The following LYN variants were observed in gnomAD, a reference collection of about 807,000 sequenced individuals.
LYN encodes the protein tyrosine-protein kinase Lyn.
LYN carries 12 observed loss-of-function variants against 65.0 expected under a neutral mutation model. That is an observed-to-expected ratio of 0.18 (90% CI 0.12 to 0.30). The LOEUF is 0.30. Ranked by LOEUF, LYN falls within the 10% of genes least tolerant of loss-of-function variation. The pLI, the probability that LYN is intolerant of heterozygous loss-of-function variation, is 1.00. For missense variants in LYN, 380 were observed against 623.2 expected, an observed-to-expected ratio of 0.61 and a Z score of 4.16; for synonymous variants, 222 against 221.2, an observed-to-expected ratio of 1.00 and a Z score of -0.03.
At chr8:55,899,649 C>CT (rs1448412734) in intron 1 of LYN, among the ~76,000 whole-genome samples, 1 of 151,614 alleles carries the variant, frequency 6.6e-6, no homozygotes, top group Non-Finnish European at 1.5e-5. Flanking sequence ...CTTTTCTTTT[C>CT]TTTTTTCTTT....
chr8:55,924,679 A>G (rs1806051441), intron 1 of LYN, among the ~76,000 whole-genome samples: 1 of 152,014 alleles, frequency 6.6e-6, no homozygotes. Context: ...CTCATTTTTA[A>G]GAAAATAACT....
intron 1 of LYN, among the ~76,000 whole-genome samples, chr8:55,914,834 T>C (rs1184622805): frequency 1.3e-5 from 2 of 152,144 alleles, no homozygotes; most frequent in African/African-American, 2.4e-5. Flanking sequence ...TTTGTAACAA[T>C]AGAGCCAAGT....
At chr8:55,887,102 TAAAAGATA>T (rs562736934) in intron 1 of LYN, among the ~76,000 whole-genome samples, 1 of 152,344 alleles carries the variant, frequency 6.6e-6, no homozygotes, top group South Asian at 2.1e-4. Flanking sequence ...GTAAATATCT[TAAAAGATA>T]AAACATTCAA....
intron 1 of LYN, among the ~76,000 whole-genome samples, chr8:55,890,837 C>T (rs1461138479): frequency 1.3e-5 from 2 of 151,898 alleles, no homozygotes; most frequent in African/African-American, 4.8e-5. Flanking sequence ...AGGTGATCCT[C>T]CCACCTCAGC....
intron 1 of LYN, among the ~76,000 whole-genome samples, chr8:55,920,472 C>G (rs933720236): frequency 8.5e-5 from 13 of 152,284 alleles, no homozygotes; most frequent in Non-Finnish European, 1.8e-4. Flanking sequence ...TGTTTACTTG[C>G]TCTGAGAGAG....
intron 1 of LYN, chr8:55,902,883 TTG>T: frequency 2.5e-6 from 1 of 407,562 alleles, no homozygotes; most frequent in Non-Finnish European, 4.8e-6. Context: ...GAGTCTCTCT[TTG>T]TTGCCCAGGC....
intron 10 of LYN, among the ~76,000 whole-genome samples, chr8:55,997,903 T>A (rs934531163): frequency 6.6e-6 from 1 of 151,998 alleles, no homozygotes; most frequent in East Asian, 1.9e-4. Flanking sequence ...GCTAACATGG[T>A]GAAACCCCGT....
chr8:55,973,174 C>T (rs531188828), intron 10 of LYN, among the ~76,000 whole-genome samples: 1 of 152,350 alleles, frequency 6.6e-6, no homozygotes, highest in African/African-American at 2.4e-5. Flanking sequence ...ACTCTCCCCT[C>T]CGCATTCCCC....
At chr8:55,913,503 C>T (rs1343692318) in intron 1 of LYN, among the ~76,000 whole-genome samples, 1 of 152,158 alleles carries the variant, frequency 6.6e-6, no homozygotes, top group Non-Finnish European at 1.5e-5. Flanking sequence ...TAAAGTTGTG[C>T]TTGCTGAATT....
chr8:55,974,820 C>T (rs771232989), intron 10 of LYN, among the ~76,000 whole-genome samples: 1 of 152,132 alleles, frequency 6.6e-6, no homozygotes, highest in Non-Finnish European at 1.5e-5. Context: ...TTGATAGCGT[C>T]CTCATGTTTA....
intron 2 of LYN, among the ~76,000 whole-genome samples, chr8:55,946,025 A>G (rs1369466453): frequency 1.3e-5 from 2 of 152,218 alleles, no homozygotes; most frequent in Non-Finnish European, 2.9e-5. Context: ...GAGGCAAGGG[A>G]AAAGGGGAGC....
intron 1 of LYN, among the ~76,000 whole-genome samples, chr8:55,897,026 C>T (rs1326526577): frequency 6.6e-6 from 1 of 152,162 alleles, no homozygotes; most frequent in Non-Finnish European, 1.5e-5. Flanking sequence ...AGGCATGAGC[C>T]ACTGCACCCG....
chr8:55,933,067 A>G (rs1351248666), intron 1 of LYN, among the ~76,000 whole-genome samples: 2 of 152,214 alleles, frequency 1.3e-5, no homozygotes, highest in Non-Finnish European at 2.9e-5. Context: ...GCATCTTGCA[A>G]CATACCCATG....
chr8:56,003,879 C>A (rs1441187038), intron 12 of LYN, among the ~76,000 whole-genome samples: 1 of 145,474 alleles, frequency 6.9e-6, no homozygotes, highest in African/African-American at 2.5e-5. Flanking sequence ...TGATGAATTT[C>A]TGAAATTTCT....
intron 1 of LYN, among the ~76,000 whole-genome samples, chr8:55,917,188 A>G (rs113767209): frequency 4.7e-4 from 71 of 151,112 alleles, no homozygotes; most frequent in Non-Finnish European, 7.1e-4. Flanking sequence ...AAAAAAAAAA[A>G]AGAGAGAGAG....
At chr8:56,000,727 CAAAAAAAAAAAAAAAAA>C (rs1043054300) in intron 12 of LYN, among the ~76,000 whole-genome samples, 1 of 46,832 alleles carries the variant, frequency 2.1e-5, no homozygotes, top group African/African-American at 7.0e-5. Context: ...GACTCTGTCT[CAAAAAAAAAAAAAAAAA>C]AAAAAAAAAA....
intron 1 of LYN, among the ~76,000 whole-genome samples, chr8:55,924,330 T>C (rs1270799840): frequency 6.6e-6 from 1 of 152,002 alleles, no homozygotes; most frequent in East Asian, 1.9e-4. Flanking sequence ...CTGTTTTCCT[T>C]CTCAATTTTA....
At chr8:55,915,834 G>A (rs1013071692) in intron 1 of LYN, among the ~76,000 whole-genome samples, 2 of 152,064 alleles carry the variant, frequency 1.3e-5, no homozygotes, top group African/African-American at 2.4e-5. Flanking sequence ...GAGAGCGAGC[G>A]AGCGAGAGAC....
At chr8:55,936,587 C>G (rs1563518436) in intron 1 of LYN, among the ~76,000 whole-genome samples, 1 of 152,074 alleles carries the variant, frequency 6.6e-6, no homozygotes, top group Non-Finnish European at 1.5e-5. Flanking sequence ...TTGCAGTGAG[C>G]AGAGATCGCG....
Sources: gnomAD v4.1 joint callset for allele counts (sites outside exome capture counted in the v4.1 genomes callset) on GRCh38, gnomAD v4.1.1 for gene constraint, MANE v1.5 for transcripts, NCBI Gene and HGNC (gene_info 2026-07-23, HGNC 2026-07-21) for gene names.